Variants in MYO1D observed in about 807,000 individuals in gnomAD.
The protein encoded by MYO1D is myosin ID, also known as unconventional myosin-Id.
Under a neutral mutation model 122.0 loss-of-function variants are expected in MYO1D, and 83 were observed. That is an observed-to-expected ratio of 0.68 (90% CI 0.57 to 0.82). The LOEUF (loss-of-function observed/expected upper bound fraction) is 0.82. Ranked by LOEUF, MYO1D falls within the 40% of genes least tolerant of loss-of-function variation. MYO1D has a pLI of 0.00. For synonymous variants in MYO1D, 464 were observed against 446.9 expected (o/e 1.04, Z -0.48); for missense variants, 1,157 against 1,269.5 (o/e 0.91, Z 1.35).
At chr17:32,532,008 C>T (rs1910520497) in intron 21 of MYO1D, among the ~76,000 whole-genome samples, 1 of 152,222 alleles carries the variant, frequency 6.6e-6, no homozygotes, top group African/African-American at 2.4e-5. Flanking sequence ...ACCACCATGA[C>T]CAAGTAGCCA....
intron 1 of MYO1D, among the ~76,000 whole-genome samples, chr17:32,842,029 A>G (rs766088655): frequency 2.0e-5 from 3 of 152,226 alleles, no homozygotes; most frequent in Non-Finnish European, 4.4e-5. Context: ...ATTAGCAATT[A>G]TACATTTATT....
intron 14 of MYO1D, among the ~76,000 whole-genome samples, chr17:32,730,762 C>T (rs546001241): frequency 5.1e-4 from 78 of 152,124 alleles, no homozygotes; most frequent in Non-Finnish European, 9.3e-4. Context: ...ACTTCAGATT[C>T]ATTGGGCTTC....
At chr17:32,526,211 C>T (rs1910337159) in intron 21 of MYO1D, among the ~76,000 whole-genome samples, 1 of 152,226 alleles carries the variant, frequency 6.6e-6, no homozygotes, top group Non-Finnish European at 1.5e-5. Context: ...GGTCTGGGTT[C>T]TGTTCACTGT....
At chr17:32,646,924 C>CA (rs1293886542) in intron 19 of MYO1D, among the ~76,000 whole-genome samples, 1 of 151,954 alleles carries the variant, frequency 6.6e-6, no homozygotes, top group South Asian at 2.1e-4. Context: ...ATAATTATGG[C>CA]AAAAAAGCAC....
intron 16 of MYO1D, among the ~76,000 whole-genome samples, chr17:32,669,542 C>T (rs2088681418): frequency 6.6e-6 from 1 of 152,100 alleles, no homozygotes; most frequent in South Asian, 2.1e-4. Context: ...ATATAAAATC[C>T]TTACATCAGT....
intron 1 of MYO1D, among the ~76,000 whole-genome samples, chr17:32,829,436 T>G (rs990793263): frequency 6.6e-6 from 1 of 152,228 alleles, no homozygotes; most frequent in Non-Finnish European, 1.5e-5. Context: ...GGGTAGGAAC[T>G]TGAGTCTCAT....
intron 21 of MYO1D, among the ~76,000 whole-genome samples, chr17:32,532,414 T>TC (rs35434932): frequency 0.045 from 6,800 of 152,236 alleles, 204 homozygotes; most frequent in Non-Finnish European, 0.065. Flanking sequence ...AGAGGTGCCC[T>TC]TAGTCGGGCG....
chr17:32,828,515 C>CA (rs137921871), intron 1 of MYO1D, among the ~76,000 whole-genome samples: 1,019 of 71,538 alleles, frequency 0.014, 15 homozygotes, highest in African/African-American at 0.033. Flanking sequence ...GACTCCGTCT[C>CA]AAAAAAAAAA....
rs1391828288 is a variant in MYO1D at position 32,796,094 on chromosome 17, A to C, written c.96-15310T>G. Among the ~76,000 whole-genome samples the C allele has an allele frequency of 2.6e-5, 4 of 152,144 alleles. 1 individual carries two copies. Among genetic ancestry groups the C allele is most frequent in the Non-Finnish European group, 1.5e-5 (1 of 68,022 alleles). On this transcript the variant is annotated intron_variant, in intron 1 of 21. Coordinates refer to ENST00000318217, the MANE Select transcript of MYO1D (RefSeq NM_015194.3). ...ATTACCTATTAATAATATGACACTG[A>C]TTTTCTCTTTCAACCAACAATAAAC...
rs1287636597 is a variant in MYO1D, at chr17:32,712,163, T to C, written c.1946A>G (p.Asn649Ser). 5 of 1,613,806 alleles carry C rather than the reference T, an allele frequency of 3.1e-6. No individual in the cohort carries two copies. The highest frequency in any genetic ancestry group is 1.3e-5 in the African/African-American group (1 of 74,886). The change falls in exon 16 of 22, where the codon AAC becomes AGC. Residue 649 changes from asparagine to serine, a missense_variant. Physicochemically the swap from Asn to Ser is conservative, Grantham distance 46 (BLOSUM62 1). Coordinates refer to ENST00000318217, the MANE Select transcript of MYO1D (RefSeq NM_015194.3). ...YKMISEFTWPNHDLPSDKEAV... is the reference protein window; with the variant it reads ...YKMISEFTWPSHDLPSDKEAV... Reference sequence around the variant, plus strand: ...CTCTTTGTCTGAAGGAAGGTCATGGTTGGGCCAGGTGAATTCAGAGATCAT... The same window carrying C: ...CTCTTTGTCTGAAGGAAGGTCATGGCTGGGCCAGGTGAATTCAGAGATCAT...
At chr17:32,618,980 C>T (rs982822562) in intron 20 of MYO1D, among the ~76,000 whole-genome samples, 2 of 152,094 alleles carry the variant, frequency 1.3e-5, no homozygotes, top group African/African-American at 2.4e-5. Context: ...CCTTTTGTTG[C>T]AAGAATCTTG....
intron 2 of MYO1D, 127 bp downstream of exon 2, chr17:32,780,449 T>A: frequency 2.3e-6 from 2 of 859,376 alleles, no homozygotes; most frequent in Non-Finnish European, 3.6e-6. Flanking sequence ...ATCACTTTTC[T>A]CTCTCCTATA....
chr17:32,526,560 G>C (rs547504740), intron 21 of MYO1D, among the ~76,000 whole-genome samples: 40 of 152,002 alleles, frequency 2.6e-4, no homozygotes, highest in African/African-American at 8.7e-4. Context: ...AAAGGAGCTA[G>C]AGACTCTTTA....
intron 1 of MYO1D, among the ~76,000 whole-genome samples, chr17:32,785,643 C>T (rs959824746): frequency 1.3e-5 from 2 of 152,170 alleles, no homozygotes; most frequent in African/African-American, 4.8e-5. Context: ...GTTTTCTATG[C>T]TCATCTTACT....
rs1002747368 is a variant in MYO1D at position 32,679,868 on chromosome 17, G to A, written c.2122-20530C>T. Among the ~76,000 whole-genome samples, 1,047 of 150,270 alleles carry A rather than the reference G, an allele frequency of 7.0e-3. 11 individuals carry two copies. The highest frequency in any genetic ancestry group is 0.025 in the African/African-American group (995 of 40,290). ...CCTTGGGCAGTATGGCCATTTTCAC[G>A]ATATTGATTCTTCCTACCCATGAAC... On this transcript the variant is annotated intron_variant, in intron 16 of 21. Coordinates refer to ENST00000318217, the MANE Select transcript of MYO1D (RefSeq NM_015194.3).
intron 10 of MYO1D, among the ~76,000 whole-genome samples, chr17:32,756,550 G>T: frequency 6.7e-6 from 1 of 148,458 alleles, no homozygotes; most frequent in Admixed American, 6.8e-5. Flanking sequence ...TTATCTCTTA[G>T]TGTTAAATAA....
intron 20 of MYO1D, among the ~76,000 whole-genome samples, chr17:32,614,258 G>A (rs983775863): frequency 7.7e-4 from 13 of 16,976 alleles, no homozygotes; most frequent in Non-Finnish European, 1.0e-3. Flanking sequence ...CCATGCCCCC[G>A]CCCCCCACAC....
At chr17:32,827,649 C>T (rs1426999641) in intron 1 of MYO1D, among the ~76,000 whole-genome samples, 1 of 152,018 alleles carries the variant, frequency 6.6e-6, no homozygotes, top group East Asian at 1.9e-4. Context: ...TTTAAAACCT[C>T]CAATCGATTC....
chr17:32,501,527 T>C (rs1597859470), intron 21 of MYO1D, among the ~76,000 whole-genome samples: 1 of 152,154 alleles, frequency 6.6e-6, no homozygotes, highest in African/African-American at 2.4e-5. Flanking sequence ...GCCAATCTCA[T>C]TTCGACACAG....
Sources: gnomAD v4.1 joint callset for allele counts (sites outside exome capture counted in the v4.1 genomes callset) on GRCh38, gnomAD v4.1.1 for gene constraint, MANE v1.5 for transcripts, NCBI Gene and HGNC (gene_info 2026-07-23, HGNC 2026-07-21) for gene names.